AGO3: variants seen among roughly 807,000 people sequenced by gnomAD.
The protein encoded by AGO3 is protein argonaute-3.
A neutral mutation model predicts 105.5 loss-of-function variants in AGO3; 16 were observed. The ratio of observed to expected loss-of-function variants is 0.15; its 90% CI spans 0.10 to 0.23. AGO3 has a LOEUF of 0.23. Ranked by LOEUF, AGO3 falls within the 10% of genes least tolerant of loss-of-function variation. AGO3 has a pLI of 1.00. For missense variants in AGO3, 534 were observed against 1,088.0 expected (o/e 0.49, Z 7.16); for synonymous variants, 340 against 367.3 (o/e 0.93, Z 0.85).
In AGO3 at chr1:36,055,813, T is replaced by G. The variant is rs1413866916; in HGVS notation, c.*68T>G. ...ATTGACATACAACGTATGTTTCCAG[T>G]GAAGTCAATTGAGTAAGGACACCTC... is the stretch of plus-strand genomic sequence containing the variant. On this transcript the variant is annotated 3_prime_UTR_variant, in exon 19 of 19. Transcript: ENST00000373191. The surrounding 1 kb of genome is among the most constrained non-coding windows in gnomAD (Gnocchi z 4.4). 2.7e-6 allele frequency: 4 copies of G among 1,509,328 alleles called. No homozygotes were observed. Among genetic ancestry groups the G allele is most frequent in the Non-Finnish European group, 3.7e-6 (4 of 1,093,598 alleles). 93.5% of individuals were successfully genotyped at this position (1,509,328 alleles called of 1,614,324 possible). A position where few individuals can be genotyped will look rare whatever the true frequency, so the allele number is the denominator to read the frequency against.
intron 2 of AGO3, among the ~76,000 whole-genome samples, chr1:35,959,488 T>G (rs1646635062): frequency 6.6e-6 from 1 of 152,230 alleles, no homozygotes; most frequent in Non-Finnish European, 1.5e-5. Flanking sequence ...TGGTTAGACA[T>G]TCTTATCTGT....
chr1:35,934,003 A>C (rs1401430180), intron 1 of AGO3, among the ~76,000 whole-genome samples: 2 of 151,354 alleles, frequency 1.3e-5, no homozygotes, highest in Non-Finnish European at 3.0e-5. Flanking sequence ...TTGATTTAAC[A>C]AAAAAAAAGG....
chr1:35,995,051 A>T (rs900593353), intron 5 of AGO3, among the ~76,000 whole-genome samples: 6 of 151,738 alleles, frequency 4.0e-5, no homozygotes, highest in African/African-American at 9.7e-5. Flanking sequence ...TACAAAAAAA[A>T]TTAGCCGGGC....
intron 5 of AGO3, among the ~76,000 whole-genome samples, chr1:35,988,201 G>A (rs1310938130): frequency 2.6e-5 from 4 of 152,144 alleles, no homozygotes; most frequent in Non-Finnish European, 5.9e-5. Flanking sequence ...ACATGTATTT[G>A]AGGTATACAG....
intron 1 of AGO3, among the ~76,000 whole-genome samples, chr1:35,944,132 A>T (rs995800811): frequency 6.6e-6 from 1 of 152,124 alleles, no homozygotes; most frequent in Admixed American, 6.6e-5. Context: ...TCACATGGCA[A>T]TTCTGTTTTT....
chr1:35,954,084 GA>G (rs1646521854), intron 2 of AGO3, among the ~76,000 whole-genome samples: 2 of 152,082 alleles, frequency 1.3e-5, no homozygotes, highest in African/African-American at 4.8e-5. Context: ...ACATACTTCA[GA>G]AAACACTACC....
chr1:35,936,237 C>G (rs1433899613), intron 1 of AGO3, among the ~76,000 whole-genome samples: 1 of 151,682 alleles, frequency 6.6e-6, no homozygotes, highest in Non-Finnish European at 1.5e-5. Flanking sequence ...TAATGACTTT[C>G]TTTGGCTAGC....
intron 6 of AGO3, among the ~76,000 whole-genome samples, chr1:36,006,867 T>TA (rs1640360269): frequency 6.6e-6 from 1 of 152,214 alleles, no homozygotes; most frequent in South Asian, 2.1e-4. Flanking sequence ...CAGAAGAAAA[T>TA]ATCATTTATA....
intron 2 of AGO3, among the ~76,000 whole-genome samples, chr1:35,954,951 A>G (rs2148758697): frequency 1.3e-5 from 2 of 152,380 alleles, no homozygotes; most frequent in Middle Eastern, 6.8e-3. Flanking sequence ...ATATGCTACA[A>G]CATGAAGTTG....
chr1:35,984,860 A>G (rs573472147), intron 5 of AGO3, among the ~76,000 whole-genome samples: 1 of 152,212 alleles, frequency 6.6e-6, no homozygotes, highest in African/African-American at 2.4e-5. Context: ...TGAGATCAAG[A>G]GTTTGGATTG....
intron 1 of AGO3, among the ~76,000 whole-genome samples, chr1:35,939,172 T>C (rs1646207773): frequency 6.6e-6 from 1 of 152,150 alleles, no homozygotes; most frequent in Non-Finnish European, 1.5e-5. Flanking sequence ...ATTGACAGAA[T>C]TGTTTCATCT....
At chr1:35,943,069 C>T (rs2148746758) in intron 1 of AGO3, among the ~76,000 whole-genome samples, 1 of 151,856 alleles carries the variant, frequency 6.6e-6, no homozygotes, top group Admixed American at 6.6e-5. Context: ...GTGGCATGAT[C>T]TCAGCTCACT....
intron 2 of AGO3, among the ~76,000 whole-genome samples, chr1:35,952,127 TC>T (rs1319025570): frequency 1.8e-5 from 2 of 110,302 alleles, no homozygotes; most frequent in Admixed American, 1.0e-4. Flanking sequence ...TTTCTTTCTT[TC>T]TTTCTTTCTT....
intron 5 of AGO3, among the ~76,000 whole-genome samples, chr1:35,987,705 A>G (rs1267895301): frequency 6.6e-6 from 1 of 151,576 alleles, no homozygotes; most frequent in Non-Finnish European, 1.5e-5. Context: ...GAAAAATGTG[A>G]GAGTATGTTT....
intron 11 of AGO3, among the ~76,000 whole-genome samples, chr1:36,025,118 T>G (rs1641440924): frequency 6.6e-6 from 1 of 152,226 alleles, no homozygotes; most frequent in Admixed American, 6.5e-5. Context: ...ATAAAGTATG[T>G]CAACAATGAA....
At chr1:35,988,638 C>A (rs1305141644) in intron 5 of AGO3, among the ~76,000 whole-genome samples, 1 of 151,800 alleles carries the variant, frequency 6.6e-6, no homozygotes, top group African/African-American at 2.4e-5. Context: ...AATAATATTC[C>A]ATTTTATGTA....
At chr1:36,004,060 CT>C in intron 5 of AGO3, 1 of 250,304 alleles carries the variant, frequency 4.0e-6, no homozygotes, top group Non-Finnish European at 7.5e-6. Context: ...TTCTTTGTCT[CT>C]TTCAAGCCTT....
intron 11 of AGO3, among the ~76,000 whole-genome samples, chr1:36,020,410 G>A (rs1641155440): frequency 6.6e-6 from 1 of 152,096 alleles, no homozygotes; most frequent in Admixed American, 6.6e-5. Context: ...GCTTGAGTTA[G>A]CAGTTTTATA....
At chr1:35,986,151 G>C (rs1351005339) in intron 5 of AGO3, among the ~76,000 whole-genome samples, 1 of 152,138 alleles carries the variant, frequency 6.6e-6, no homozygotes, top group African/African-American at 2.4e-5. Context: ...CAACTACCCC[G>C]GAGAGCAATT....
Sources: allele counts gnomAD v4.1 joint callset (sites outside exome capture counted in the v4.1 genomes callset), GRCh38; gene constraint gnomAD v4.1.1; non-coding constraint Gnocchi (gnomAD v3.1); transcripts MANE v1.5; gene names NCBI Gene and HGNC (gene_info 2026-07-23, HGNC 2026-07-21).